Variants in MECOM observed in about 807,000 individuals in gnomAD.
MECOM encodes MDS1 and EVI1 complex locus, also known as histone-lysine N-methyltransferase MECOM.
A neutral mutation model predicts 116.3 loss-of-function variants in MECOM; 13 were observed. That is an observed-to-expected ratio of 0.11 (90% CI 0.07 to 0.18). The LOEUF (loss-of-function observed/expected upper bound fraction) is 0.18. Ranked by LOEUF, MECOM falls within the 10% of genes least tolerant of loss-of-function variation. The probability of loss-of-function intolerance (pLI) is 1.00; values close to 1 mark genes in which losing one functional copy is unlikely to be tolerated. For synonymous variants in MECOM, 528 were observed against 535.2 expected, an observed-to-expected ratio of 0.99 and a Z score of 0.19; for missense variants, 1,299 against 1,509.0, an observed-to-expected ratio of 0.86 and a Z score of 2.31.
intron 1 of MECOM, among the ~76,000 whole-genome samples, chr3:169,623,710 C>A (rs761761433): frequency 6.6e-6 from 1 of 151,954 alleles, no homozygotes. Context: ...CCTCTACTGA[C>A]CCTACTTGGC....
At position 169,196,961 on chromosome 3, in the gene MECOM, A is replaced by T. The variant is rs112484399; in HGVS notation, c.376-53129T>A. 3.3e-5 allele frequency among the ~76,000 whole-genome samples: 5 copies of T among 152,186 alleles called. 1 individual carries two copies. Among genetic ancestry groups the T allele is most frequent in the African/African-American group, 1.2e-4 (5 of 41,564 alleles). On this transcript the variant is annotated intron_variant, in intron 2 of 16. Coordinates refer to ENST00000651503, the MANE Select transcript of MECOM (RefSeq NM_004991.4). The stretch of plus-strand genomic sequence containing the variant: ...GATAAAGAAATTGTGGTATAGATAC[A>T]CCATGGAATACTATGCAGCCATGAA...
chr3:169,254,189 T>C (rs559252166), intron 2 of MECOM, among the ~76,000 whole-genome samples: 46 of 152,212 alleles, frequency 3.0e-4, no homozygotes, highest in Admixed American at 1.7e-3. Context: ...GAAGATGTCA[T>C]TGGGAAGCAA....
chr3:169,146,811 C>A (rs552322731), intron 2 of MECOM: 6 of 1,099,338 alleles, frequency 5.5e-6, no homozygotes, highest in African/African-American at 3.3e-5. Flanking sequence ...CAGCCCCCAA[C>A]GCTCCTGCAC....
At position 169,099,362 on chromosome 3, in the gene MECOM, C is replaced by T. The variant is rs546507139; in HGVS notation, c.2849+1523G>A. On this transcript the variant is annotated intron_variant, in intron 12 of 16. Transcript: ENST00000651503. Reference sequence around the variant, plus strand: ...CTTTCCTTCCACTTAAGCAGAATTTCTGGTAATATAATTTTCTCAAAAGGG... The same window carrying T: ...CTTTCCTTCCACTTAAGCAGAATTTTTGGTAATATAATTTTCTCAAAAGGG... 6.0e-4 allele frequency among the ~76,000 whole-genome samples: 91 copies of T among 152,196 alleles called. No homozygotes were observed. In the Middle Eastern group the frequency reaches 0.02, roughly 34 times the overall value.
Position 169,660,760 on chromosome 3 carries a change from C to T in MECOM, c.37+2576G>A, listed in dbSNP as rs143473136. On this transcript the variant is annotated intron_variant, in intron 1 of 16. Coordinates refer to ENST00000651503, the MANE Select transcript of MECOM (RefSeq NM_004991.4). ...GGGGTCACCAACCATCTCCGCCACG[C>T]GCTACTCGGGGGAAGGAAATCGCGC... Among the ~76,000 whole-genome samples the T allele has an allele frequency of 4.6e-4, 70 of 152,220 alleles. 1 individual carries two copies. The East Asian group carries it at 0.012, about 27-fold the overall frequency.
At chr3:169,410,396 G>C (rs1031753772) in intron 1 of MECOM, among the ~76,000 whole-genome samples, 1 of 152,082 alleles carries the variant, frequency 6.6e-6, no homozygotes, top group African/African-American at 2.4e-5. Context: ...CTTTTCTTTT[G>C]GAACCTCATT....
intron 2 of MECOM, among the ~76,000 whole-genome samples, chr3:169,265,268 T>A (rs1190538993): frequency 6.6e-6 from 1 of 152,210 alleles, no homozygotes; most frequent in Non-Finnish European, 1.5e-5. Flanking sequence ...CATAGGGCTC[T>A]GCACTGATAA....
chr3:169,172,626 A>G (rs1010903545), intron 2 of MECOM, among the ~76,000 whole-genome samples: 1 of 152,190 alleles, frequency 6.6e-6, no homozygotes, highest in Non-Finnish European at 1.5e-5. Context: ...AAGATTTTGA[A>G]TGATAATGAC....
chr3:169,649,753 AC>A (rs1180464783), intron 1 of MECOM, among the ~76,000 whole-genome samples: 1 of 152,240 alleles, frequency 6.6e-6, no homozygotes. Context: ...CCAAAAAAGT[AC>A]GCATTTGAAA....
At chr3:169,385,900 A>G (rs375758795) in intron 1 of MECOM, among the ~76,000 whole-genome samples, 25 of 152,308 alleles carry the variant, frequency 1.6e-4, no homozygotes, top group African/African-American at 5.8e-4. Context: ...TCCCATAAAG[A>G]TAAATAACAC....
chr3:169,302,845 T>C (rs185726510), intron 2 of MECOM, among the ~76,000 whole-genome samples: 2 of 151,028 alleles, frequency 1.3e-5, no homozygotes, highest in African/African-American at 2.4e-5. Flanking sequence ...GCCTGGGCAA[T>C]AGAGGGAGAC....
At chr3:169,309,937 A>T (rs1327602448) in intron 2 of MECOM, among the ~76,000 whole-genome samples, 1 of 152,202 alleles carries the variant, frequency 6.6e-6, no homozygotes, top group Admixed American at 6.5e-5. Context: ...TGTGATCACC[A>T]CGGGCAAAAC....
intron 2 of MECOM, among the ~76,000 whole-genome samples, chr3:169,169,610 C>T (rs1176865304): frequency 6.6e-6 from 1 of 151,868 alleles, no homozygotes; most frequent in Non-Finnish European, 1.5e-5. Flanking sequence ...TAAGTGTCAT[C>T]CAAAACTCAG....
intron 7 of MECOM, 29 bp downstream of exon 7, chr3:169,121,027 G>A: frequency 1.9e-6 from 3 of 1,575,524 alleles, no homozygotes; most frequent in Non-Finnish European, 2.6e-6. Flanking sequence ...ACAGATGTGG[G>A]AAGGAGGGCT....
intron 1 of MECOM, among the ~76,000 whole-genome samples, chr3:169,413,479 T>G (rs13091169): frequency 8.9e-5 from 6 of 67,132 alleles, no homozygotes; most frequent in Non-Finnish European, 1.6e-4. Flanking sequence ...TTTTTTTTTG[T>G]TTTTTTTTTT....
chr3:169,507,650 C>CT (rs1165167849), intron 1 of MECOM, among the ~76,000 whole-genome samples: 814 of 57,100 alleles, frequency 0.014, 162 homozygotes, highest in Middle Eastern at 0.042. Context: ...TCCCCACTTG[C>CT]TTTTTTTTTT....
chr3:169,561,716 C>T (rs1762655652), intron 1 of MECOM, among the ~76,000 whole-genome samples: 1 of 152,170 alleles, frequency 6.6e-6, no homozygotes, highest in African/African-American at 2.4e-5. Context: ...CACACACAGG[C>T]ACGCACACTT....
At chr3:169,442,458 A>G (rs1464603430) in intron 1 of MECOM, among the ~76,000 whole-genome samples, 1 of 152,240 alleles carries the variant, frequency 6.6e-6, no homozygotes, top group African/African-American at 2.4e-5. Context: ...CACAGAAAAC[A>G]TAAGAGGTTG....
chr3:169,118,693 C>G (rs1253630773), intron 7 of MECOM, among the ~76,000 whole-genome samples: 2 of 149,056 alleles, frequency 1.3e-5, no homozygotes, highest in South Asian at 4.4e-4. Flanking sequence ...AAATGTTGCT[C>G]TCTACACTTC....
Sources: gnomAD v4.1 joint callset for allele counts (sites outside exome capture counted in the v4.1 genomes callset) on GRCh38, gnomAD v4.1.1 for gene constraint, MANE v1.5 for transcripts, NCBI Gene and HGNC (gene_info 2026-07-23, HGNC 2026-07-21) for gene names.